CDH13: variants seen among roughly 807,000 people sequenced by gnomAD.
The protein encoded by CDH13 is cadherin 13, also known as cadherin-13.
In CDH13, 24 loss-of-function variants were observed where a neutral mutation model predicts 63.8. The observed-to-expected ratio is 0.38, with a 90% CI of 0.27 to 0.53. CDH13 has a LOEUF of 0.53. CDH13 is among the 20% of genes least tolerant of loss of function. The pLI is 0.85. For synonymous variants in CDH13, 503 were observed against 355.3 expected (o/e 1.42, Z -4.67); for missense variants, 1,049 against 903.1 (o/e 1.16, Z -2.07).
At chr16:83,295,138 C>T (rs140268823) in intron 5 of CDH13, among the ~76,000 whole-genome samples, 3 of 152,084 alleles carry the variant, frequency 2.0e-5, no homozygotes, top group South Asian at 2.1e-4. Context: ...GGGAAAAAAA[C>T]TCTTCAATAA....
chr16:83,602,129 AAAAAAAAAAAAAAACC>A (rs1907891975), intron 7 of CDH13, among the ~76,000 whole-genome samples: 1 of 104,104 alleles, frequency 9.6e-6, no homozygotes, highest in African/African-American at 4.3e-5. Flanking sequence ...AAAAAAAAAA[AAAAAAAAAAAAAAACC>A]CAAAGGACAA....
intron 5 of CDH13, among the ~76,000 whole-genome samples, chr16:83,339,940 T>C (rs2090685049): frequency 2.0e-5 from 3 of 152,182 alleles, no homozygotes; most frequent in Admixed American, 2.0e-4. Flanking sequence ...CTCCCTGGGA[T>C]ATTTCATCTC....
At chr16:82,983,163 C>G (rs1221000161) in intron 2 of CDH13, among the ~76,000 whole-genome samples, 1 of 152,186 alleles carries the variant, frequency 6.6e-6, no homozygotes, top group Non-Finnish European at 1.5e-5. Flanking sequence ...CATTCAACAG[C>G]TGATCTTGGC....
At chr16:83,748,042 C>T in intron 10 of CDH13, 66 bp from the exon 11 acceptor site, 1 of 1,558,776 alleles carries the variant, frequency 6.4e-7, no homozygotes, top group Non-Finnish European at 8.8e-7. Flanking sequence ...TCATGCCCTG[C>T]ACTCTGTAAA....
intron 5 of CDH13, among the ~76,000 whole-genome samples, chr16:83,344,017 A>C (rs1001039593): frequency 6.6e-6 from 1 of 152,234 alleles, no homozygotes; most frequent in African/African-American, 2.4e-5. Context: ...TCACACAGAT[A>C]GGAAAGAGTT....
chr16:82,818,062 C>T (rs972704194), intron 1 of CDH13, among the ~76,000 whole-genome samples: 10 of 151,834 alleles, frequency 6.6e-5, no homozygotes, highest in East Asian at 1.9e-4. Context: ...CATGACTATA[C>T]GCACAATGCA....
intron 2 of CDH13, among the ~76,000 whole-genome samples, chr16:82,869,774 C>T (rs1193816678): frequency 1.3e-5 from 2 of 152,074 alleles, no homozygotes; most frequent in South Asian, 2.1e-4. Flanking sequence ...ACTGGATATC[C>T]ATATGCAGAA....
intron 8 of CDH13, among the ~76,000 whole-genome samples, chr16:83,611,221 T>G (rs574095060): frequency 6.6e-6 from 1 of 152,276 alleles, no homozygotes; most frequent in African/African-American, 2.4e-5. Context: ...GCAATTTTTT[T>G]TTTACACTCT....
intron 1 of CDH13, among the ~76,000 whole-genome samples, chr16:82,772,710 T>C (rs1427804636): frequency 6.6e-6 from 1 of 152,236 alleles, no homozygotes; most frequent in African/African-American, 2.4e-5. Flanking sequence ...ACTATTATTA[T>C]CATCTTTGTC....
At chr16:83,336,717 G>A (rs1456654136) in intron 5 of CDH13, among the ~76,000 whole-genome samples, 1 of 152,224 alleles carries the variant, frequency 6.6e-6, no homozygotes, top group Non-Finnish European at 1.5e-5. Context: ...CAGAGTTAAA[G>A]AGGTCATCAA....
rs2034542249 is a variant in CDH13, at chr16:83,102,699, A to G, written c.367-22686A>G. Among the ~76,000 whole-genome samples the G allele has an allele frequency of 2.0e-5, 3 of 152,028 alleles. No homozygotes were observed. The South Asian group carries it at 6.2e-4, about 32-fold the overall frequency. ...GTAGAGGTATAGTCAGGAGATGTGG[A>G]GCAGTTAGGAGGATTGTGTTTTGAT... On this transcript the variant is annotated intron_variant, in intron 3 of 13. Transcript: ENST00000567109.
intron 1 of CDH13, among the ~76,000 whole-genome samples, chr16:82,698,512 C>T (rs1244708101): frequency 2.6e-5 from 4 of 152,198 alleles, no homozygotes; most frequent in Non-Finnish European, 5.9e-5. Flanking sequence ...CTTAGCTGAG[C>T]TTGTTCACGT....
At chr16:83,643,770 G>C (rs1162384176) in intron 8 of CDH13, among the ~76,000 whole-genome samples, 1 of 152,120 alleles carries the variant, frequency 6.6e-6, no homozygotes, top group Non-Finnish European at 1.5e-5. Context: ...AATGAGACAG[G>C]TAGTACTGCA....
At chr16:82,739,482 G>C (rs1432994093) in intron 1 of CDH13, among the ~76,000 whole-genome samples, 1 of 152,158 alleles carries the variant, frequency 6.6e-6, no homozygotes, top group Non-Finnish European at 1.5e-5. Flanking sequence ...TTAAGAGTGA[G>C]AGAAGACCAA....
chr16:83,090,961 A>T (rs2033877330), intron 3 of CDH13, among the ~76,000 whole-genome samples: 1 of 152,026 alleles, frequency 6.6e-6, no homozygotes, highest in African/African-American at 2.4e-5. Flanking sequence ...TCCTCATTCA[A>T]GTATATTGCA....
rs1905044392 is a variant in CDH13 at position 83,692,864 on chromosome 16, A to C, written c.1538+14403A>C. 3.3e-5 allele frequency among the ~76,000 whole-genome samples: 5 copies of C among 152,284 alleles called. No individual in the cohort carries two copies. The South Asian group carries it at 1.0e-3, about 32-fold the overall frequency. On this transcript the variant is annotated intron_variant, in intron 10 of 13. Coordinates refer to ENST00000567109, the MANE Select transcript of CDH13 (RefSeq NM_001257.5). ...TTTGGGAGGCCGAGGCAGGTGGATC[A>C]CGAGGTCAGGAGTTCAAGACCAACC...
chr16:83,058,350 G>A (rs1048241794), intron 3 of CDH13, among the ~76,000 whole-genome samples: 3 of 152,210 alleles, frequency 2.0e-5, no homozygotes, highest in East Asian at 1.9e-4. Context: ...GGTTTTCTGC[G>A]TGTGCCGCTG....
intron 7 of CDH13, among the ~76,000 whole-genome samples, chr16:83,518,972 A>G (rs544551003): frequency 9.2e-5 from 14 of 152,256 alleles, no homozygotes; most frequent in African/African-American, 3.1e-4. Context: ...GTAGCTTGAG[A>G]ACGGACTAAT....
chr16:83,366,856 A>G (rs1342233360), intron 6 of CDH13, among the ~76,000 whole-genome samples: 1 of 152,210 alleles, frequency 6.6e-6, no homozygotes, highest in Non-Finnish European at 1.5e-5. Flanking sequence ...GCCTTGATTT[A>G]TCACATACTG....
Sources: gnomAD v4.1 joint callset for allele counts (sites outside exome capture counted in the v4.1 genomes callset) on GRCh38, gnomAD v4.1.1 for gene constraint, MANE v1.5 for transcripts, NCBI Gene and HGNC (gene_info 2026-07-23, HGNC 2026-07-21) for gene names.